The following LGSN variants were observed in gnomAD, a reference collection of about 807,000 sequenced individuals.
The protein encoded by LGSN is lengsin.
A neutral mutation model predicts 19.5 loss-of-function variants in LGSN; 21 were observed. The ratio of observed to expected loss-of-function variants is 1.07; its 90% CI spans 0.76 to 1.55. The LOEUF is 1.55. LGSN is among the 40% of genes most tolerant of loss of function. The probability of loss-of-function intolerance (pLI) is 0.00; values close to 1 mark genes in which losing one functional copy is unlikely to be tolerated. For synonymous variants in LGSN, 257 were observed against 215.6 expected (o/e 1.19, Z -1.68); for missense variants, 673 against 608.5 (o/e 1.11, Z -1.12).
the LGSN span, among the ~76,000 whole-genome samples, chr6:63,424,233 C>A: frequency 6.6e-5 from 10 of 151,762 alleles, no homozygotes; most frequent in African/African-American, 2.2e-4. Context: ...GAATAAATTC[C>A]TCAAAAATAA....
the LGSN span, among the ~76,000 whole-genome samples, chr6:63,544,711 C>T: frequency 2.6e-5 from 4 of 152,064 alleles, no homozygotes; most frequent in African/African-American, 4.8e-5. Context: ...TTGGGTTTTT[C>T]TGATGTTTCC....
chr6:63,412,525 A>AGAAAGAAG, the LGSN span, among the ~76,000 whole-genome samples: 6 of 84,226 alleles, frequency 7.1e-5, no homozygotes, highest in African/African-American at 1.4e-4. Flanking sequence ...AAAGAAAGAA[A>AGAAAGAAG]GAAGGAAAGA....
chr6:63,510,269 T>G, the LGSN span, among the ~76,000 whole-genome samples: 11 of 152,244 alleles, frequency 7.2e-5, no homozygotes, highest in Non-Finnish European at 1.0e-4. Context: ...GACAGGCTGT[T>G]TCTTAGTTCC....
the LGSN span, among the ~76,000 whole-genome samples, chr6:63,420,739 T>A: frequency 5.6e-3 from 849 of 152,204 alleles, 3 homozygotes; most frequent in African/African-American, 0.019. Flanking sequence ...CCATTGAAAA[T>A]CATTCATCAT....
chr6:63,481,225 T>C, the LGSN span, among the ~76,000 whole-genome samples: 83,539 of 151,734 alleles, frequency 0.55, 23,194 homozygotes, highest in Middle Eastern at 0.57. Flanking sequence ...GAAGGGGCGG[T>C]GCTAGGAATA....
At chr6:63,409,244 A>G in the LGSN span, among the ~76,000 whole-genome samples, 1 of 152,336 alleles carries the variant, frequency 6.6e-6, no homozygotes, top group Non-Finnish European at 1.5e-5. Flanking sequence ...TAAATACATG[A>G]AACACTTAGG....
chr6:63,412,185 G>A, the LGSN span, among the ~76,000 whole-genome samples: 15 of 151,880 alleles, frequency 9.9e-5, 1 homozygote, highest in South Asian at 2.1e-4. Flanking sequence ...TGGCCAACAC[G>A]GCAAAACCCT....
At chr6:63,377,061 T>A in the LGSN span, among the ~76,000 whole-genome samples, 1 of 152,236 alleles carries the variant, frequency 6.6e-6, no homozygotes, top group African/African-American at 2.4e-5. Context: ...AGATATGCAC[T>A]GATTCTTTTT....
chr6:63,457,427 C>T, the LGSN span, among the ~76,000 whole-genome samples: 1 of 152,104 alleles, frequency 6.6e-6, no homozygotes, highest in Non-Finnish European at 1.5e-5. Context: ...ATCACTTTAA[C>T]CCAGGAGGTG....
At chr6:63,294,435 T>A (rs1191557990) in intron 2 of LGSN, among the ~76,000 whole-genome samples, 1 of 152,170 alleles carries the variant, frequency 6.6e-6, no homozygotes, top group African/African-American at 2.4e-5. Context: ...ATTCCTACTG[T>A]CCTGCCTTAG....
At chr6:63,549,252 G>C in the LGSN span, 1 of 746,460 alleles carries the variant, frequency 1.3e-6, no homozygotes, top group Non-Finnish European at 2.4e-6. Flanking sequence ...GTGGTCCAGG[G>C]CCTGGGTGAA....
the LGSN span, among the ~76,000 whole-genome samples, chr6:63,405,086 G>T: frequency 6.6e-6 from 1 of 151,392 alleles, no homozygotes; most frequent in African/African-American, 2.4e-5. Context: ...ATAGTTTACT[G>T]AGAATGATGA....
the LGSN span, among the ~76,000 whole-genome samples, chr6:63,332,134 T>A: frequency 6.6e-6 from 1 of 152,158 alleles, no homozygotes; most frequent in Non-Finnish European, 1.5e-5. Flanking sequence ...GATCCTAAAA[T>A]TCCAGGTAGT....
the LGSN span, among the ~76,000 whole-genome samples, chr6:63,472,075 C>G: frequency 6.6e-6 from 1 of 152,334 alleles, no homozygotes; most frequent in Non-Finnish European, 1.5e-5. Flanking sequence ...ATTTAGCAAT[C>G]TTTCTGATTT....
chr6:63,331,647 G>A, the LGSN span, among the ~76,000 whole-genome samples: 1 of 151,880 alleles, frequency 6.6e-6, no homozygotes, highest in Non-Finnish European at 1.5e-5. Context: ...AACAACCCCT[G>A]CCCAAGAACC....
chr6:63,503,742 C>G, the LGSN span, among the ~76,000 whole-genome samples: 1 of 152,106 alleles, frequency 6.6e-6, no homozygotes, highest in Admixed American at 6.6e-5. Flanking sequence ...TGGTGAAACC[C>G]CGCCTCTACT....
At chr6:63,399,554 C>T in the LGSN span, among the ~76,000 whole-genome samples, 2 of 151,938 alleles carry the variant, frequency 1.3e-5, no homozygotes, top group African/African-American at 4.8e-5. Flanking sequence ...GCCACCATGC[C>T]TGGCTAATTT....
At chr6:63,550,297 C>G in the LGSN span, 1 of 152,130 alleles carries the variant, frequency 6.6e-6, no homozygotes, top group African/African-American at 2.4e-5. Flanking sequence ...TGTAATCAAC[C>G]AGGGCAGTGT....
intron 2 of LGSN, among the ~76,000 whole-genome samples, chr6:63,291,117 G>A (rs1767749091): frequency 6.6e-6 from 1 of 152,082 alleles, no homozygotes; most frequent in South Asian, 2.1e-4. Context: ...TCATTTACTC[G>A]GCCACTGCAC....
Sources: allele counts gnomAD v4.1 joint callset (sites outside exome capture counted in the v4.1 genomes callset), GRCh38; gene constraint gnomAD v4.1.1; transcripts MANE v1.5; gene names NCBI Gene and HGNC (gene_info 2026-07-23, HGNC 2026-07-21).